The following PHF21A variants were observed in gnomAD, a reference collection of about 807,000 sequenced individuals.
The protein encoded by PHF21A is PHD finger protein 21A.
PHF21A carries 11 observed loss-of-function variants against 82.5 expected under a neutral mutation model. That is an observed-to-expected ratio of 0.13 (90% CI 0.08 to 0.22). The LOEUF (loss-of-function observed/expected upper bound fraction) is 0.22, where lower values mean the gene tolerates loss of function less well. Among genes scored for constraint, PHF21A ranks in the 10% least tolerant of loss-of-function variants. The pLI, the probability that PHF21A is intolerant of heterozygous loss-of-function variation, is 1.00. For missense variants in PHF21A, 579 were observed against 837.8 expected, an observed-to-expected ratio of 0.69 and a Z score of 3.81; for synonymous variants, 297 against 302.8, an observed-to-expected ratio of 0.98 and a Z score of 0.20.
chr11:46,117,530 A>G (rs988017314), intron 1 of PHF21A, among the ~76,000 whole-genome samples: 2 of 152,238 alleles, frequency 1.3e-5, no homozygotes, highest in African/African-American at 4.8e-5. Context: ...AAATTGATCT[A>G]TATTAGAATC....
At chr11:45,984,474 CG>C (rs1177411618) in intron 6 of PHF21A, among the ~76,000 whole-genome samples, 1 of 152,180 alleles carries the variant, frequency 6.6e-6, no homozygotes, top group Non-Finnish European at 1.5e-5. Context: ...CAGGTAGTCA[CG>C]GTGATCAATA....
chr11:46,027,013 TAA>T (rs757704513), intron 6 of PHF21A: 2 of 152,112 alleles, frequency 1.3e-5, no homozygotes, highest in African/African-American at 2.4e-5. Context: ...TCTGAAAAAT[TAA>T]AAGTCTGAGA....
intron 6 of PHF21A, among the ~76,000 whole-genome samples, chr11:46,046,760 C>T (rs910607883): frequency 6.6e-6 from 1 of 151,900 alleles, no homozygotes; most frequent in South Asian, 2.1e-4. Flanking sequence ...ACTATAAAAC[C>T]CAACAACATA....
At chr11:46,068,508 G>A (rs935340107) in intron 6 of PHF21A, among the ~76,000 whole-genome samples, 1 of 152,128 alleles carries the variant, frequency 6.6e-6, no homozygotes, top group African/African-American at 2.4e-5. Flanking sequence ...TCTCCAAAGA[G>A]TGGAAGAGTC....
At chr11:45,945,413 A>G (rs975442512) in intron 15 of PHF21A, among the ~76,000 whole-genome samples, 3 of 152,210 alleles carry the variant, frequency 2.0e-5, no homozygotes, top group African/African-American at 7.2e-5. Context: ...CAGTTGCTCT[A>G]AAGAAAACTT....
intron 6 of PHF21A, among the ~76,000 whole-genome samples, chr11:46,002,971 A>G (rs1036044914): frequency 1.3e-5 from 2 of 152,188 alleles, no homozygotes; most frequent in African/African-American, 4.8e-5. Flanking sequence ...AATTGGATAA[A>G]TATCTGCTAC....
At chr11:46,019,601 T>G (rs1430050280) in intron 6 of PHF21A, among the ~76,000 whole-genome samples, 4 of 152,236 alleles carry the variant, frequency 2.6e-5, no homozygotes, top group African/African-American at 9.6e-5. Context: ...AATTGCACTC[T>G]ATTCACCTGT....
At chr11:46,066,342 A>C (rs560475069) in intron 6 of PHF21A, among the ~76,000 whole-genome samples, 1 of 152,184 alleles carries the variant, frequency 6.6e-6, no homozygotes, top group Non-Finnish European at 1.5e-5. Context: ...ATATAAATAT[A>C]TATTAGATAT....
intron 6 of PHF21A, among the ~76,000 whole-genome samples, chr11:46,044,324 C>T (rs187658272): frequency 1.2e-3 from 189 of 152,100 alleles, no homozygotes; most frequent in African/African-American, 4.4e-3. Flanking sequence ...AAAATTCATG[C>T]AAGGTAAAAG....
chr11:45,941,599 T>TA (rs2090355183), intron 15 of PHF21A, among the ~76,000 whole-genome samples: 1 of 152,158 alleles, frequency 6.6e-6, no homozygotes, highest in Non-Finnish European at 1.5e-5. Context: ...CTGCTGCCCA[T>TA]AGAAATGAAT....
At chr11:46,101,291 G>A (rs999150972) in intron 1 of PHF21A, among the ~76,000 whole-genome samples, 1 of 151,968 alleles carries the variant, frequency 6.6e-6, no homozygotes, top group Admixed American at 6.6e-5. Context: ...ATCCTAAAAG[G>A]GATTACCAGT....
intron 10 of PHF21A, among the ~76,000 whole-genome samples, chr11:45,961,684 A>C (rs1305344407): frequency 6.6e-6 from 1 of 152,134 alleles, no homozygotes. Flanking sequence ...GGGGTGGAGA[A>C]GAAACATAAT....
rs889917533 is a variant in PHF21A at position 46,018,022 on chromosome 11, G to A, written c.154-38056C>T. 1.1e-4 allele frequency among the ~76,000 whole-genome samples: 17 copies of A among 152,034 alleles called. No homozygotes were observed. The South Asian group carries it at 2.3e-3, about 20-fold the overall frequency. ...TCCCAGCACTTTGGGAGGCCGAGGC[G>A]GGCGGATCACGAGGTCAGGAGATCG... On this transcript the variant is annotated intron_variant, in intron 6 of 18. Coordinates refer to ENST00000676320, the MANE Select transcript of PHF21A (RefSeq NM_001352027.3).
intron 6 of PHF21A, among the ~76,000 whole-genome samples, chr11:46,073,196 C>T (rs888898166): frequency 2.6e-5 from 4 of 151,832 alleles, no homozygotes; most frequent in African/African-American, 7.3e-5. Flanking sequence ...GGCGTGGTGG[C>T]GGGCGCCTGT....
At chr11:46,032,281 C>T (rs1229350989) in intron 6 of PHF21A, among the ~76,000 whole-genome samples, 3 of 151,902 alleles carry the variant, frequency 2.0e-5, no homozygotes, top group African/African-American at 7.3e-5. Flanking sequence ...CATGTAATCC[C>T]TCTCAACCCC....
chr11:45,935,136 C>T, intron 18 of PHF21A: 1 of 1,289,478 alleles, frequency 7.8e-7, no homozygotes, highest in Admixed American at 2.3e-5. Flanking sequence ...ATACTTGTCT[C>T]TAGAAAGCCC....
intron 1 of PHF21A, among the ~76,000 whole-genome samples, chr11:46,100,818 T>C (rs952411864): frequency 6.6e-6 from 1 of 152,210 alleles, no homozygotes; most frequent in African/African-American, 2.4e-5. Flanking sequence ...TGCAGACATA[T>C]GTACAACTTA....
chr11:46,060,707 G>A (rs1592655422), intron 6 of PHF21A, among the ~76,000 whole-genome samples: 1 of 152,120 alleles, frequency 6.6e-6, no homozygotes, highest in Non-Finnish European at 1.5e-5. Context: ...CCATATAGAT[G>A]CTGGATATTA....
chr11:45,972,360 C>T (rs2093809636), intron 7 of PHF21A, among the ~76,000 whole-genome samples: 1 of 152,156 alleles, frequency 6.6e-6, no homozygotes, highest in African/African-American at 2.4e-5. Flanking sequence ...GATAGATCAA[C>T]ATTTCAGGAA....
Sources: allele counts gnomAD v4.1 joint callset (sites outside exome capture counted in the v4.1 genomes callset), GRCh38; gene constraint gnomAD v4.1.1; transcripts MANE v1.5; gene names NCBI Gene and HGNC (gene_info 2026-07-23, HGNC 2026-07-21).